Variants in SLC1A1 observed in about 807,000 individuals in gnomAD.
SLC1A1 encodes the protein excitatory amino acid transporter 3.
Under a neutral mutation model 53.3 loss-of-function variants are expected in SLC1A1, and 43 were observed. That is an observed-to-expected ratio of 0.81 (90% CI 0.63 to 1.04). The LOEUF (loss-of-function observed/expected upper bound fraction) is 1.04. SLC1A1 is among the 50% of genes least tolerant of loss of function. SLC1A1 has a pLI of 0.00. For missense variants in SLC1A1, 748 were observed against 664.9 expected (o/e 1.12, Z -1.37); for synonymous variants, 307 against 243.2 (o/e 1.26, Z -2.44).
At chr9:4,582,638 G>C (rs1300961090) in intron 10 of SLC1A1, among the ~76,000 whole-genome samples, 1 of 152,212 alleles carries the variant, frequency 6.6e-6, no homozygotes, top group Non-Finnish European at 1.5e-5. Context: ...GGCAGGTGCA[G>C]AGGTACCTGG....
intron 2 of SLC1A1, among the ~76,000 whole-genome samples, chr9:4,551,513 A>T (rs1817929052): frequency 6.6e-6 from 1 of 152,240 alleles, no homozygotes; most frequent in Non-Finnish European, 1.5e-5. Flanking sequence ...ACTTTGTTGT[A>T]CAACTTGCTA....
At chr9:4,576,167 G>T in intron 9 of SLC1A1, 44 bp downstream of exon 9, 2 of 1,591,754 alleles carry the variant, frequency 1.3e-6, no homozygotes, top group South Asian at 1.1e-5. Flanking sequence ...CAGGCTCAAC[G>T]TTATCAACTC....
chr9:4,573,629 G>T, intron 7 of SLC1A1, among the ~76,000 whole-genome samples: 1 of 152,100 alleles, frequency 6.6e-6, no homozygotes, highest in East Asian at 1.9e-4. Flanking sequence ...ACGGCATGAG[G>T]TGCGCACCCA....
At position 4,587,293 on chromosome 9, in the gene SLC1A1, G is replaced by T. The variant is rs572245978; in HGVS notation, c.*1735G>T. 2.6e-5 allele frequency: 4 copies of T among 152,294 alleles called. No individual in the cohort carries two copies. Among genetic ancestry groups the T allele is most frequent in the Admixed American group, 2.6e-4 (4 of 15,290 alleles). 9.4% of individuals were successfully genotyped at this position (152,294 alleles called of 1,614,324 possible). Reference sequence around the variant, plus strand: ...ATCAGTAATTTATCTTGGGCTAAATGGTTCTACCCCTTACTAGGTTGCCCC... The same window carrying T: ...ATCAGTAATTTATCTTGGGCTAAATTGTTCTACCCCTTACTAGGTTGCCCC... On this transcript the variant is annotated 3_prime_UTR_variant, in exon 12 of 12. Transcript: ENST00000262352.
intron 1 of SLC1A1, among the ~76,000 whole-genome samples, chr9:4,497,409 A>G (rs553990167): frequency 6.6e-6 from 1 of 152,284 alleles, no homozygotes; most frequent in Non-Finnish European, 1.5e-5. Context: ...TCACCAATTC[A>G]GGAACCCTAA....
intron 10 of SLC1A1, among the ~76,000 whole-genome samples, chr9:4,582,019 C>T (rs1403673823): frequency 6.6e-6 from 1 of 152,180 alleles, no homozygotes; most frequent in Admixed American, 6.5e-5. Flanking sequence ...CCTTTCAACA[C>T]AGTGGAACCC....
At chr9:4,518,183 C>T (rs558904185) in intron 1 of SLC1A1, among the ~76,000 whole-genome samples, 1 of 136,790 alleles carries the variant, frequency 7.3e-6, no homozygotes, top group South Asian at 2.4e-4. Flanking sequence ...TGCAGTGAGC[C>T]GAGATCTCAC....
intron 1 of SLC1A1, among the ~76,000 whole-genome samples, chr9:4,498,812 A>G (rs1820530986): frequency 6.7e-6 from 1 of 150,218 alleles, no homozygotes; most frequent in African/African-American, 2.4e-5. Context: ...AAAAAAATAT[A>G]TATATATGTG....
intron 1 of SLC1A1, among the ~76,000 whole-genome samples, chr9:4,525,481 C>T (rs1416099290): frequency 6.6e-6 from 1 of 151,996 alleles, no homozygotes; most frequent in Non-Finnish European, 1.5e-5. Flanking sequence ...AAAAGACAAG[C>T]CTATGATCAA....
chr9:4,517,001 C>T (rs1441757328), intron 1 of SLC1A1, among the ~76,000 whole-genome samples: 3 of 152,150 alleles, frequency 2.0e-5, no homozygotes, highest in Non-Finnish European at 4.4e-5. Flanking sequence ...AACTGGATAT[C>T]GAAGCTGGCC....
chr9:4,502,690 G>A (rs1411980017), intron 1 of SLC1A1, among the ~76,000 whole-genome samples: 1 of 151,674 alleles, frequency 6.6e-6, no homozygotes, highest in Non-Finnish European at 1.5e-5. Context: ...CCAAAGCTTA[G>A]GTTACTAATT....
At chr9:4,535,345 C>T (rs978202857) in intron 1 of SLC1A1, among the ~76,000 whole-genome samples, 1 of 152,114 alleles carries the variant, frequency 6.6e-6, no homozygotes, top group Non-Finnish European at 1.5e-5. Flanking sequence ...GGCTGATAGG[C>T]AACTTCAGCA....
chr9:4,509,794 A>T (rs1270591883), intron 1 of SLC1A1, among the ~76,000 whole-genome samples: 1 of 152,146 alleles, frequency 6.6e-6, no homozygotes, highest in Non-Finnish European at 1.5e-5. Flanking sequence ...GACATCAAGA[A>T]GTGTTGAAAA....
intron 7 of SLC1A1, 64 bp from the exon 8 acceptor site, chr9:4,573,843 C>T: frequency 8.7e-7 from 1 of 1,146,546 alleles, no homozygotes; most frequent in Non-Finnish European, 1.3e-6. Flanking sequence ...GTTCCTTCCC[C>T]ACCAACCTAG....
At chr9:4,525,637 A>C (rs1042844302) in intron 1 of SLC1A1, among the ~76,000 whole-genome samples, 9 of 152,190 alleles carry the variant, frequency 5.9e-5, no homozygotes, top group Non-Finnish European at 1.0e-4. Flanking sequence ...GATAATAGAA[A>C]AATGATAGTG....
At chr9:4,508,443 G>A (rs746698438) in intron 1 of SLC1A1, among the ~76,000 whole-genome samples, 1 of 152,070 alleles carries the variant, frequency 6.6e-6, no homozygotes, top group Non-Finnish European at 1.5e-5. Flanking sequence ...CCTGTGGGCT[G>A]GTCCTAACTT....
intron 1 of SLC1A1, among the ~76,000 whole-genome samples, chr9:4,521,913 T>C (rs571197372): frequency 1.3e-5 from 2 of 152,298 alleles, no homozygotes; most frequent in East Asian, 3.9e-4. Context: ...TGCTTGAGGC[T>C]TGCAGCAGCA....
chr9:4,573,759 C>T (rs986349462), intron 7 of SLC1A1, 148 bp from the exon 8 acceptor site: 14 of 736,718 alleles, frequency 1.9e-5, no homozygotes, highest in Non-Finnish European at 3.3e-5. Flanking sequence ...GGACTTGAAA[C>T]AACTCTTAGC....
chr9:4,548,445 T>C (rs1817663822), intron 2 of SLC1A1, among the ~76,000 whole-genome samples: 1 of 152,118 alleles, frequency 6.6e-6, no homozygotes, highest in South Asian at 2.1e-4. Flanking sequence ...ACAGCTAGAA[T>C]TCAGACCCAA....
Sources: allele counts gnomAD v4.1 joint callset (sites outside exome capture counted in the v4.1 genomes callset), GRCh38; gene constraint gnomAD v4.1.1; transcripts MANE v1.5; gene names NCBI Gene and HGNC (gene_info 2026-07-23, HGNC 2026-07-21).